Variants in DIP2B observed in about 807,000 individuals in gnomAD.
The protein encoded by DIP2B is DIP2 acetate--CoA ligase B (putative).
Under a neutral mutation model 198.0 loss-of-function variants are expected in DIP2B, and 76 were observed. The ratio of observed to expected loss-of-function variants is 0.38; its 90% CI spans 0.32 to 0.46. The LOEUF is 0.46. Ranked by LOEUF, DIP2B falls within the 20% of genes least tolerant of loss-of-function variation. The pLI is 0.99. For synonymous variants in DIP2B, 701 were observed against 739.1 expected (o/e 0.95, Z 0.84); for missense variants, 1,559 against 1,978.4 (o/e 0.79, Z 4.02).
intron 7 of DIP2B, among the ~76,000 whole-genome samples, chr12:50,676,799 C>G (rs1296923616): frequency 6.6e-6 from 1 of 152,178 alleles, no homozygotes; most frequent in East Asian, 1.9e-4. Flanking sequence ...GAAACAATGC[C>G]TACTATATAC....
intron 1 of DIP2B, among the ~76,000 whole-genome samples, chr12:50,605,152 A>T (rs1958970680): frequency 6.6e-6 from 1 of 151,944 alleles, no homozygotes; most frequent in Non-Finnish European, 1.5e-5. Flanking sequence ...GGTTTAAAAA[A>T]CCCCCAACTT....
At chr12:50,670,728 T>C (rs1938838157) in intron 4 of DIP2B, among the ~76,000 whole-genome samples, 1 of 152,116 alleles carries the variant, frequency 6.6e-6, no homozygotes, top group African/African-American at 2.4e-5. Context: ...GGCACATACG[T>C]TTTTAGCAAG....
At chr12:50,530,677 G>A (rs151331522) in intron 1 of DIP2B, among the ~76,000 whole-genome samples, 2 of 152,310 alleles carry the variant, frequency 1.3e-5, no homozygotes, top group East Asian at 1.9e-4. Flanking sequence ...ATGAAAAGAA[G>A]TATTTAAGCA....
intron 1 of DIP2B, among the ~76,000 whole-genome samples, chr12:50,577,433 C>G (rs983833175): frequency 3.9e-5 from 6 of 152,056 alleles, no homozygotes; most frequent in African/African-American, 1.4e-4. Flanking sequence ...ACTCGGGAAG[C>G]TGAGGCAGGA....
chr12:50,741,428 C>T lies in DIP2B; in HGVS notation c.4367C>T (p.Ala1456Val). The change falls in exon 37 of 38, where the codon GCA (alanine) becomes GTA (valine). Residue 1456 changes from alanine (A) to valine (V), a missense_variant. Ala to Val is a moderately conservative substitution (Grantham distance 64). Transcript: ENST00000301180. The part of the protein sequence containing the change: ...LTAATGERHD[A>V]LYVVGALDET... ...TTCTTTCTGTCAGAGCGTCATGATG[C>T]ATTGTATGTGGTGGGAGCGCTGGAT... is the stretch of plus-strand genomic sequence containing the variant. 2.5e-6 allele frequency: 4 copies of T among 1,613,954 alleles called. No individual in the cohort carries two copies. The highest frequency in any genetic ancestry group is 3.4e-6 in the Non-Finnish European group (4 of 1,179,968).
At chr12:50,627,402 TG>T (rs1937956389) in intron 2 of DIP2B, among the ~76,000 whole-genome samples, 1 of 152,168 alleles carries the variant, frequency 6.6e-6, no homozygotes. Context: ...GGTGCGATCA[TG>T]GTTCACTACA....
chr12:50,735,655 G>A (rs999515204), intron 34 of DIP2B, among the ~76,000 whole-genome samples: 3 of 151,998 alleles, frequency 2.0e-5, no homozygotes, highest in African/African-American at 7.3e-5. Flanking sequence ...AGTAAAGATG[G>A]GGTTTCACCA....
intron 1 of DIP2B, among the ~76,000 whole-genome samples, chr12:50,607,688 A>G (rs1486970680): frequency 6.6e-6 from 1 of 152,234 alleles, no homozygotes; most frequent in Non-Finnish European, 1.5e-5. Flanking sequence ...AGCTTGGAGA[A>G]TTTCCTAAAA....
Position 50,683,259 on chromosome 12 carries a change from T to G in DIP2B, c.1317+11T>G. On this transcript the variant is annotated intron_variant, in intron 10 of 37. Transcript: ENST00000301180. Reference sequence around the variant, plus strand: ...CCTCTTACCAGAAAGGTAACATTGCTAAATTTAAGAGGAATGTAGCCTGAT... The same window carrying G: ...CCTCTTACCAGAAAGGTAACATTGCGAAATTTAAGAGGAATGTAGCCTGAT... 1 of 1,601,232 alleles carries G rather than the reference T, an allele frequency of 6.2e-7. No individual in the cohort carries two copies. The highest frequency in any genetic ancestry group is 8.5e-7 in the Non-Finnish European group (1 of 1,172,114).
intron 1 of DIP2B, among the ~76,000 whole-genome samples, chr12:50,608,567 A>G (rs1190289776): frequency 6.6e-6 from 1 of 151,506 alleles, no homozygotes; most frequent in Non-Finnish European, 1.5e-5. Flanking sequence ...CAGAGGTTGC[A>G]GTGAGCTGAG....
At chr12:50,565,561 T>G (rs1191437369) in intron 1 of DIP2B, among the ~76,000 whole-genome samples, 2 of 152,188 alleles carry the variant, frequency 1.3e-5, no homozygotes, top group Non-Finnish European at 2.9e-5. Flanking sequence ...TTATATATCA[T>G]GTTCCCATAT....
At chr12:50,579,720 C>CAA (rs1958705971) in intron 1 of DIP2B, among the ~76,000 whole-genome samples, 1 of 106,426 alleles carries the variant, frequency 9.4e-6, no homozygotes. Context: ...TATATATATA[C>CAA]ATAGCTTCAT....
At chr12:50,574,048 G>T (rs562297292) in intron 1 of DIP2B, among the ~76,000 whole-genome samples, 148 of 152,272 alleles carry the variant, frequency 9.7e-4, no homozygotes, top group Non-Finnish European at 1.7e-3. Flanking sequence ...AGTCACAATT[G>T]TGTCTTTATT....
chr12:50,527,763 A>C (rs979516970), intron 1 of DIP2B, among the ~76,000 whole-genome samples: 6 of 152,220 alleles, frequency 3.9e-5, no homozygotes, highest in African/African-American at 1.4e-4. Context: ...GATTAAAATA[A>C]TTATTAAGTG....
chr12:50,509,059 C>T (rs556957802), intron 1 of DIP2B, among the ~76,000 whole-genome samples: 8 of 152,308 alleles, frequency 5.3e-5, no homozygotes, highest in Non-Finnish European at 1.2e-4. Context: ...AAATCCATCA[C>T]TTATGCATTC....
Position 50,674,600 on chromosome 12 carries a change from A to T in DIP2B, c.767A>T (p.Asn256Ile). 6.2e-7 allele frequency: 1 copy of T among 1,614,188 alleles called. No individual in the cohort carries two copies. The highest frequency in any genetic ancestry group is 8.5e-7 in the Non-Finnish European group (1 of 1,180,028). Residue 256 changes from asparagine (N) to isoleucine (I), a missense_variant, in exon 6 of 38, where the codon AAC becomes ATC. By Grantham distance (149) the Asn-to-Ile change is moderately radical. Coordinates refer to ENST00000301180, the MANE Select transcript of DIP2B (RefSeq NM_173602.3). Reference sequence around the variant, plus strand: ...GTTAAAGGCATGCACAAAGGATCCAACAGGTCCAGCCTTATGGATACAGCT... The same window carrying T: ...GTTAAAGGCATGCACAAAGGATCCATCAGGTCCAGCCTTATGGATACAGCT... Reference protein sequence around the residue: ...GIVKGMHKGSNRSSLMDTADG... With the variant: ...GIVKGMHKGSIRSSLMDTADG...
chr12:50,697,005 C>T, intron 16 of DIP2B, 56 bp from the exon 17 acceptor site: 1 of 1,316,896 alleles, frequency 7.6e-7, no homozygotes, highest in Admixed American at 2.0e-5. Flanking sequence ...TACCATTTTC[C>T]TACAGTAATG....
intron 9 of DIP2B, 87 bp downstream of exon 9, chr12:50,680,850 C>T: frequency 8.1e-7 from 1 of 1,240,388 alleles, no homozygotes; most frequent in Non-Finnish European, 1.1e-6. Flanking sequence ...TTTTCATATA[C>T]AACAGGAAAA....
chr12:50,611,138 AAGAG>A (rs950084456), intron 1 of DIP2B, among the ~76,000 whole-genome samples: 2 of 152,208 alleles, frequency 1.3e-5, no homozygotes, highest in African/African-American at 4.8e-5. Context: ...ACACAAATTA[AAGAG>A]AGAAAGGATT....
Sources: allele counts gnomAD v4.1 joint callset (sites outside exome capture counted in the v4.1 genomes callset), GRCh38; gene constraint gnomAD v4.1.1; transcripts MANE v1.5; gene names NCBI Gene and HGNC (gene_info 2026-07-23, HGNC 2026-07-21).